TNIP3: variants seen among roughly 807,000 people sequenced by gnomAD.
The protein encoded by TNIP3 is TNFAIP3 interacting protein 3, also known as TNFAIP3-interacting protein 3.
TNIP3 carries 34 observed loss-of-function variants against 54.1 expected under a neutral mutation model. The observed-to-expected ratio is 0.63, with a 90% CI of 0.48 to 0.84. The LOEUF is 0.84. Among genes scored for constraint, TNIP3 ranks in the 40% least tolerant of loss-of-function variants. TNIP3 has a pLI of 0.00. For missense variants in TNIP3, 366 were observed against 387.6 expected (o/e 0.94, Z 0.47); for synonymous variants, 134 against 136.8 (o/e 0.98, Z 0.14).
chr4:121,143,191 T>A (rs1243648364), intron 7 of TNIP3, among the ~76,000 whole-genome samples: 1 of 152,208 alleles, frequency 6.6e-6, no homozygotes, highest in Non-Finnish European at 1.5e-5. Context: ...ATTCTCCCAA[T>A]CCCTCTATGT....
At chr4:121,152,077 T>C (rs1729794881) in intron 5 of TNIP3, among the ~76,000 whole-genome samples, 1 of 152,200 alleles carries the variant, frequency 6.6e-6, no homozygotes, top group South Asian at 2.1e-4. Context: ...AGAGTACACA[T>C]AATTGTGTGA....
intron 5 of TNIP3, among the ~76,000 whole-genome samples, chr4:121,152,604 G>T (rs11098604): frequency 1.2e-4 from 18 of 152,082 alleles, no homozygotes; most frequent in African/African-American, 3.6e-4. Context: ...CTTACTCTGA[G>T]CAAAGTCCTG....
intron 3 of TNIP3, among the ~76,000 whole-genome samples, chr4:121,181,771 A>T (rs1430715048): frequency 6.6e-6 from 1 of 152,016 alleles, no homozygotes; most frequent in Non-Finnish European, 1.5e-5. Context: ...CAATTCTGGG[A>T]TTTCCTTTAA....
At chr4:121,134,381 G>A (rs1266271401) in intron 10 of TNIP3, among the ~76,000 whole-genome samples, 2 of 152,192 alleles carry the variant, frequency 1.3e-5, no homozygotes, top group Non-Finnish European at 2.9e-5. Flanking sequence ...ACTCTGTTAT[G>A]ACATAATTGT....
chr4:121,154,440 C>T (rs1352476353), intron 5 of TNIP3, 111 bp downstream of exon 5: 2 of 1,315,750 alleles, frequency 1.5e-6, no homozygotes, highest in Non-Finnish European at 2.1e-6. Context: ...CTTGTGCAAG[C>T]CTCCAAGGCT....
chr4:121,154,173 T>C (rs1729937188), intron 5 of TNIP3: 1 of 276,092 alleles, frequency 3.6e-6, no homozygotes, highest in Non-Finnish European at 6.9e-6. Flanking sequence ...CCCAACTCCA[T>C]AGTGATCATT....
Position 121,132,428 on chromosome 4 carries a change from T to C in TNIP3, c.*203A>G, listed in dbSNP as rs1264819992. Reference sequence around the variant, plus strand: ...CTGGAAGTTGTATTTGGTTGTATAATAACTGGCTCCTCCAATTTGATCAGG... The same window carrying C: ...CTGGAAGTTGTATTTGGTTGTATAACAACTGGCTCCTCCAATTTGATCAGG... On this transcript the variant is annotated 3_prime_UTR_variant, in exon 11 of 11. Coordinates refer to ENST00000057513, the MANE Select transcript of TNIP3 (RefSeq NM_024873.6). 1.6e-5 allele frequency: 8 copies of C among 486,384 alleles called. No individual in the cohort carries two copies. The South Asian group carries it at 2.6e-4, about 16-fold the overall frequency. 30.1% of individuals were successfully genotyped at this position (486,384 alleles called of 1,614,324 possible). A position where few individuals can be genotyped will look rare whatever the true frequency, so the allele number is the denominator to read the frequency against.
chr4:121,159,081 A>G (rs1313976569), intron 2 of TNIP3, among the ~76,000 whole-genome samples: 1 of 152,138 alleles, frequency 6.6e-6, no homozygotes, highest in African/African-American at 2.4e-5. Flanking sequence ...CGTCTCTACT[A>G]AAAATACAAA....
In TNIP3 at chr4:121,164,079, C is replaced by T. The variant is rs759730395; in HGVS notation, c.47G>A (p.Ser16Asn). ...QGTSRMIAAE[S>N]STEHKECAEP... is the part of the protein sequence containing the mutation. ...TCTTACCTCTTTATGCTCCGTAGAACTTTCTGCGGCAATCATTCTAGATGT... is the reference window on the plus strand; with the variant it reads ...TCTTACCTCTTTATGCTCCGTAGAATTTTCTGCGGCAATCATTCTAGATGT... The change falls in exon 1 of 11, where the codon AGT becomes AAT. Residue 16 changes from serine to asparagine, a missense_variant. By Grantham distance (46) the Ser-to-Asn change is conservative. Transcript: ENST00000057513. 10 of 1,613,724 alleles carry T rather than the reference C, an allele frequency of 6.2e-6. No homozygotes were observed. The highest frequency in any genetic ancestry group is 8.5e-6 in the Non-Finnish European group (10 of 1,179,744).
At chr4:121,189,058 A>G (rs1357049440) in intron 2 of TNIP3, among the ~76,000 whole-genome samples, 2 of 152,216 alleles carry the variant, frequency 1.3e-5, no homozygotes, top group Non-Finnish European at 2.9e-5. Context: ...TTCAATAGGA[A>G]AAACACATAA....
chr4:121,169,754 C>T (rs769599302), intron 3 of TNIP3, among the ~76,000 whole-genome samples: 2 of 152,156 alleles, frequency 1.3e-5, no homozygotes, highest in Non-Finnish European at 2.9e-5. Flanking sequence ...ATCCCCCAAA[C>T]CTGGTTTTGA....
At chr4:121,182,827 A>G in intron 2 of TNIP3, 2 of 1,532,274 alleles carry the variant, frequency 1.3e-6, no homozygotes, top group South Asian at 1.2e-5. Flanking sequence ...AAGTTACATT[A>G]TACAAAGGTA....
upstream of TNIP3, among the ~76,000 whole-genome samples, chr4:121,169,078 A>G (rs1251136256): frequency 6.6e-6 from 1 of 151,918 alleles, no homozygotes; most frequent in Non-Finnish European, 1.5e-5. Flanking sequence ...CCACTGTGAG[A>G]CTTTTAAAAT....
chr4:121,207,524 T>G (rs1222171269), intron 2 of TNIP3, among the ~76,000 whole-genome samples: 3 of 152,236 alleles, frequency 2.0e-5, no homozygotes. Flanking sequence ...TTCAGTGATG[T>G]TTAAATGCTT....
At chr4:121,181,649 GTGTGTGTA>G (rs1724713791) in intron 3 of TNIP3, among the ~76,000 whole-genome samples, 1 of 144,920 alleles carries the variant, frequency 6.9e-6, no homozygotes, top group African/African-American at 2.8e-5. Flanking sequence ...GTGTGTGTGT[GTGTGTGTA>G]AAACACAGAG....
chr4:121,137,274 T>A (rs1279916887), intron 10 of TNIP3, among the ~76,000 whole-genome samples: 2 of 152,226 alleles, frequency 1.3e-5, no homozygotes, highest in Non-Finnish European at 2.9e-5. Context: ...GGGTAGCAAT[T>A]CTGTTATTAT....
At chr4:121,171,833 C>T (rs529951010) in intron 3 of TNIP3, among the ~76,000 whole-genome samples, 99 of 152,232 alleles carry the variant, frequency 6.5e-4, no homozygotes, top group Non-Finnish European at 1.3e-3. Flanking sequence ...TGGGTTCAAG[C>T]GATCCTCCTG....
intron 2 of TNIP3, among the ~76,000 whole-genome samples, chr4:121,208,281 G>A (rs961388513): frequency 4.6e-5 from 7 of 152,036 alleles, no homozygotes; most frequent in Admixed American, 3.9e-4. Flanking sequence ...ATCAAGATTC[G>A]AAATCTCCCC....
chr4:121,194,104 T>C (rs1725441869), intron 2 of TNIP3, among the ~76,000 whole-genome samples: 1 of 152,144 alleles, frequency 6.6e-6, no homozygotes, highest in Non-Finnish European at 1.5e-5. Flanking sequence ...TTAGATGTAG[T>C]AGTGTATCGA....
Sources: gnomAD v4.1 joint callset for allele counts (sites outside exome capture counted in the v4.1 genomes callset) on GRCh38, gnomAD v4.1.1 for gene constraint, MANE v1.5 for transcripts, NCBI Gene and HGNC (gene_info 2026-07-23, HGNC 2026-07-21) for gene names.